Variants in ANKRD34B observed in about 807,000 individuals in gnomAD.
ANKRD34B encodes ankyrin repeat domain-containing protein 34B.
A neutral mutation model predicts 4.4 loss-of-function variants in ANKRD34B; 2 were observed. The ratio of observed to expected loss-of-function variants is 0.46; its 90% CI spans 0.19 to 1.44. ANKRD34B has a LOEUF of 1.44. ANKRD34B is among the 40% of genes most tolerant of loss of function. ANKRD34B has a pLI of 0.26. For synonymous variants in ANKRD34B, 226 were observed against 227.1 expected (o/e 0.99, Z 0.05); for missense variants, 558 against 604.7 (o/e 0.92, Z 0.81).
chr5:80,559,510 A>ATATAGAT lies in ANKRD34B; in HGVS notation c.509_510insATCTATA (p.Pro171SerfsTer35). ...AATGACACCCATCTATATCCACAGG[A>ATATAGAT]GGCATATTTAAGTATTGTTTAGTAG... is the stretch of plus-strand genomic sequence containing the variant. On this transcript the variant is annotated frameshift_variant, in exon 5 of 5. Coordinates refer to ENST00000338682, the MANE Select transcript of ANKRD34B (RefSeq NM_001004441.3). LOFTEE classifies it low-confidence loss of function (END_TRUNC). The ATATAGAT allele has an allele frequency of 6.2e-7, 1 of 1,614,188 alleles. No homozygotes were observed. The highest frequency in any genetic ancestry group is 8.5e-7 in the Non-Finnish European group (1 of 1,180,042).
At position 80,558,529 on chromosome 5, in the gene ANKRD34B, C is replaced by A. The variant is rs150650090; in HGVS notation, c.1491G>T (p.Leu497Phe). The A allele has an allele frequency of 1.2e-6, 2 of 1,613,864 alleles. No homozygotes were observed. The highest frequency in any genetic ancestry group is 1.7e-6 in the Non-Finnish European group (2 of 1,179,954). The change falls in exon 5 of 5, where the codon TTG (leucine) becomes TTT (phenylalanine). Residue 497 changes from leucine (L) to phenylalanine (F), a missense_variant. By Grantham distance (22) the Leu-to-Phe change is conservative. Coordinates refer to ENST00000338682, the MANE Select transcript of ANKRD34B (RefSeq NM_001004441.3). ...CAGTTTGCAATGATTGTCTCCTTAA[C>A]AACATTTTCTTACTTTTGAATTCTT... is the stretch of plus-strand genomic sequence containing the variant. ...FPKEFKSKKM[L>F]LRRQSLQTEQ...
chr5:80,561,518 T>G (rs249218), intron 4 of ANKRD34B, among the ~76,000 whole-genome samples: 79,188 of 151,974 alleles, frequency 0.52, 22,913 homozygotes, highest in East Asian at 0.88. Flanking sequence ...AGGCAGAAAT[T>G]TCATTGTTAA....
chr5:80,567,595 C>T (rs7735433), intron 2 of ANKRD34B, among the ~76,000 whole-genome samples: 1,415 of 107,862 alleles, frequency 0.013, 33 homozygotes, highest in African/African-American at 0.046. Context: ...CACTCCAGCC[C>T]GGGTGACAAA....
rs916321253 is a variant in ANKRD34B at position 80,565,496 on chromosome 5, A to G, written c.-105+1193T>C. Among the ~76,000 whole-genome samples the G allele has an allele frequency of 7.2e-5, 11 of 152,210 alleles. No individual in the cohort carries two copies. The East Asian group carries it at 9.6e-4, about 13-fold the overall frequency. On this transcript the variant is annotated intron_variant, in intron 3 of 4. Transcript: ENST00000338682. ...GGTGTCAATCGTGACTCTCACACTT[A>G]TTGGCTATGTGCCCTGATCAAGTCT...
rs1746273302 is a variant in ANKRD34B, at chr5:80,557,336, T to C, written c.*1139A>G. On this transcript the variant is annotated 3_prime_UTR_variant, in exon 5 of 5. Coordinates refer to ENST00000338682, the MANE Select transcript of ANKRD34B (RefSeq NM_001004441.3). ...TCACAGGTCCTAAAATACTAAATGA[T>C]TGGAATGTCACACTAAGGAAGTTAT... 6.6e-6 allele frequency: 1 copy of C among 152,044 alleles called. No individual in the cohort carries two copies. The highest frequency in any genetic ancestry group is 1.5e-5 in the Non-Finnish European group (1 of 67,960). The allele number at this position is 152,044 out of a possible 1,614,324, so 9.4% of individuals were successfully genotyped here. A position where few individuals can be genotyped will look rare whatever the true frequency, so the allele number is the denominator to read the frequency against.
intron 4 of ANKRD34B, 53 bp from the exon 5 acceptor site, chr5:80,560,095 A>G: frequency 9.7e-7 from 1 of 1,032,234 alleles, no homozygotes; most frequent in South Asian, 1.7e-5. Context: ...CAGCATCCCA[A>G]CTTATATTCA....
intron 3 of ANKRD34B, 65 bp from the exon 4 acceptor site, chr5:80,563,880 A>G (rs915320748): frequency 6.6e-6 from 1 of 152,242 alleles, no homozygotes; most frequent in Non-Finnish European, 1.5e-5. Flanking sequence ...TTTCATATAT[A>G]AATGGGCTTA....
chr5:80,569,542 G>C (rs1191282303), intron 1 of ANKRD34B, among the ~76,000 whole-genome samples: 1 of 151,440 alleles, frequency 6.6e-6, no homozygotes, highest in African/African-American at 2.4e-5. Context: ...CGCCCAGCCG[G>C]CACCTCCTGC....
intron 4 of ANKRD34B, among the ~76,000 whole-genome samples, chr5:80,562,929 C>A (rs1027670695): frequency 6.7e-6 from 1 of 148,964 alleles, no homozygotes; most frequent in African/African-American, 2.4e-5. Flanking sequence ...ATGCCTCTTA[C>A]ATTAAAGATA....
At chr5:80,562,762 C>T (rs772274789) in intron 4 of ANKRD34B, among the ~76,000 whole-genome samples, 26 of 152,162 alleles carry the variant, frequency 1.7e-4, no homozygotes, top group Non-Finnish European at 2.6e-4. Flanking sequence ...ACTTTATTCT[C>T]CAAATGTACC....
chr5:80,569,149 C>G (rs924551401), intron 1 of ANKRD34B, 42 bp from the exon 2 acceptor site: 1 of 152,430 alleles, frequency 6.6e-6, no homozygotes, highest in Admixed American at 6.5e-5. Flanking sequence ...GGCGACAGCT[C>G]CAGGGCACCG....
chr5:80,569,033 G>T lies in ANKRD34B; in HGVS notation c.-264C>A, dbSNP rs1399465695. 6.6e-6 allele frequency: 1 copy of T among 152,086 alleles called. No individual in the cohort carries two copies. The highest frequency in any genetic ancestry group is 1.5e-5 in the Non-Finnish European group (1 of 68,174). 9.4% of individuals were successfully genotyped at this position (152,086 alleles called of 1,614,324 possible). A position where few individuals can be genotyped will look rare whatever the true frequency, so the allele number is the denominator to read the frequency against. ...TTGAGGATGCTGGCAGCGTCTCCAC[G>T]GTCCCCGCCGACCCCTGGAACCAGG... On this transcript the variant is annotated 5_prime_UTR_variant, in exon 2 of 5. Coordinates refer to ENST00000338682, the MANE Select transcript of ANKRD34B (RefSeq NM_001004441.3).
At chr5:80,565,265 A>C (rs1256653435) in intron 3 of ANKRD34B, among the ~76,000 whole-genome samples, 1 of 152,214 alleles carries the variant, frequency 6.6e-6, no homozygotes, top group Non-Finnish European at 1.5e-5. Flanking sequence ...TTTTCATAGA[A>C]TTGAACTCTA....
chr5:80,562,735 G>A (rs1191029444), intron 4 of ANKRD34B, among the ~76,000 whole-genome samples: 4 of 152,012 alleles, frequency 2.6e-5, no homozygotes, highest in Non-Finnish European at 5.9e-5. Context: ...ACTTGTCAGG[G>A]AAAAAAGGTG....
At chr5:80,564,664 A>G (rs986745858) in intron 3 of ANKRD34B, among the ~76,000 whole-genome samples, 5 of 148,226 alleles carry the variant, frequency 3.4e-5, no homozygotes, top group Non-Finnish European at 5.9e-5. Flanking sequence ...CTTTTTCCTC[A>G]TTATAAAGAC....
chr5:80,562,052 C>CGTGTGT (rs56934964), intron 4 of ANKRD34B, among the ~76,000 whole-genome samples: 8,539 of 128,052 alleles, frequency 0.067, 427 homozygotes, highest in East Asian at 0.14. Flanking sequence ...ACTGACTCAG[C>CGTGTGT]GTGTGTGTGT....
intron 3 of ANKRD34B, chr5:80,564,392 C>T (rs1746498549): frequency 6.6e-6 from 1 of 152,226 alleles, no homozygotes; most frequent in Non-Finnish European, 1.5e-5. Flanking sequence ...ACTGTCACAG[C>T]TTTTCTTTCA....
chr5:80,563,353 T>C (rs79644550), intron 4 of ANKRD34B, among the ~76,000 whole-genome samples: 3,684 of 152,316 alleles, frequency 0.024, 149 homozygotes, highest in African/African-American at 0.084. Context: ...ACGCATTTCA[T>C]GTACTCTTCT....
Position 80,558,724 on chromosome 5 carries a change from T to G in ANKRD34B, c.1296A>C (p.Ser432=), listed in dbSNP as rs1166646200. 6.2e-7 allele frequency: 1 copy of G among 1,614,190 alleles called. No homozygotes were observed. The highest frequency in any genetic ancestry group is 8.5e-7 in the Non-Finnish European group (1 of 1,180,028). ...CACTGTGATCTAAAGGGAAAGCTCC[T>G]GAACCTCGCCTTTCTAAAACTGCAT... ...RNHAVLERRG[S]GAFPLDHSVT... The change falls in exon 5 of 5, where the codon TCA becomes TCC. Residue 432 remains serine (S), a synonymous_variant. Transcript: ENST00000338682.
Sources: allele counts gnomAD v4.1 joint callset (sites outside exome capture counted in the v4.1 genomes callset), GRCh38; gene constraint gnomAD v4.1.1; transcripts MANE v1.5; gene names NCBI Gene and HGNC (gene_info 2026-07-23, HGNC 2026-07-21).